Variants in PPP2R3A observed in about 807,000 individuals in gnomAD.
The protein encoded by PPP2R3A is serine/threonine-protein phosphatase 2A regulatory subunit B'' subunit alpha.
Under a neutral mutation model 106.9 loss-of-function variants are expected in PPP2R3A, and 80 were observed. That is an observed-to-expected ratio of 0.75 (90% CI 0.62 to 0.90). PPP2R3A has a LOEUF of 0.90. Ranked by LOEUF, PPP2R3A falls within the 40% of genes least tolerant of loss-of-function variation. The pLI is 0.00. For missense variants in PPP2R3A, 1,386 were observed against 1,350.4 expected, an observed-to-expected ratio of 1.03 and a Z score of -0.41; for synonymous variants, 483 against 468.3, an observed-to-expected ratio of 1.03 and a Z score of -0.41.
At chr3:136,092,464 C>T (rs962058321) in intron 10 of PPP2R3A, among the ~76,000 whole-genome samples, 2 of 152,074 alleles carry the variant, frequency 1.3e-5, no homozygotes, top group Non-Finnish European at 2.9e-5. Context: ...GAGTCAAAAG[C>T]TTTTTTTGTT....
At chr3:136,071,383 T>TC (rs1176617145) in intron 6 of PPP2R3A, among the ~76,000 whole-genome samples, 1 of 152,256 alleles carries the variant, frequency 6.6e-6, no homozygotes, top group Non-Finnish European at 1.5e-5. Context: ...TATTTTTCAT[T>TC]CAGTGCTTTT....
At chr3:136,016,314 A>AT (rs1934266070) in intron 2 of PPP2R3A, among the ~76,000 whole-genome samples, 1 of 152,078 alleles carries the variant, frequency 6.6e-6, no homozygotes, top group African/African-American at 2.4e-5. Flanking sequence ...AGAATATTCT[A>AT]TAAGTATCCA....
At chr3:136,116,146 T>G (rs1356565765) in intron 13 of PPP2R3A, among the ~76,000 whole-genome samples, 1 of 152,110 alleles carries the variant, frequency 6.6e-6, no homozygotes, top group Non-Finnish European at 1.5e-5. Flanking sequence ...CAAACTGAGC[T>G]TCACAAGCGA....
In PPP2R3A at chr3:136,145,131, A is replaced by G. The variant is rs1341079573; in HGVS notation, c.3418A>G (p.Lys1140Glu). Residue 1140 changes from lysine to glutamate, a missense_variant, in exon 14 of 14, where the codon AAA becomes GAA. By Grantham distance (56) the Lys-to-Glu change is moderately conservative (BLOSUM62 1). Coordinates refer to ENST00000264977, the MANE Select transcript of PPP2R3A (RefSeq NM_002718.5). Reference sequence around the variant, plus strand: ...AATATTAAGTGCAAGCCTTCCAGAGAAATGTGGAAAGCTTCAATCAGTGGA... The same window carrying G: ...AATATTAAGTGCAAGCCTTCCAGAGGAATGTGGAAAGCTTCAATCAGTGGA... Reference protein sequence around the residue: ...NKILSASLPEKCGKLQSVDEE With the variant: ...NKILSASLPEECGKLQSVDEE 1 of 1,613,558 alleles carries G rather than the reference A, an allele frequency of 6.2e-7. No individual in the cohort carries two copies. Among genetic ancestry groups the G allele is most frequent in the African/African-American group, 1.3e-5 (1 of 75,046 alleles).
intron 1 of PPP2R3A, among the ~76,000 whole-genome samples, chr3:136,000,024 C>A (rs1933558849): frequency 1.3e-5 from 2 of 152,170 alleles, no homozygotes; most frequent in South Asian, 2.1e-4. Context: ...GGCCTTTGTA[C>A]TTGCGGTTAT....
chr3:136,090,451 A>T (rs1417944851), intron 9 of PPP2R3A, 127 bp from the exon 10 acceptor site: 5 of 665,544 alleles, frequency 7.5e-6, no homozygotes, highest in Non-Finnish European at 1.0e-5. Context: ...GTTGCCCTTT[A>T]TGAGGCATTT....
intron 2 of PPP2R3A, among the ~76,000 whole-genome samples, chr3:136,008,236 T>C (rs1240526247): frequency 3.9e-5 from 6 of 152,246 alleles, no homozygotes; most frequent in African/African-American, 4.8e-5. Context: ...TAGCCAGTCA[T>C]GTCACTGAGG....
chr3:135,979,600 A>G (rs923668653), intron 1 of PPP2R3A, among the ~76,000 whole-genome samples: 1 of 151,804 alleles, frequency 6.6e-6, no homozygotes, highest in African/African-American at 2.4e-5. Context: ...AAGGCTAACA[A>G]GTTTCCCCTC....
intron 2 of PPP2R3A, among the ~76,000 whole-genome samples, chr3:136,023,883 G>C (rs1242870464): frequency 6.6e-6 from 1 of 152,078 alleles, no homozygotes; most frequent in Non-Finnish European, 1.5e-5. Flanking sequence ...CACCAAACAA[G>C]TGCCTAACAT....
At chr3:136,029,645 T>C (rs1934795500) in intron 3 of PPP2R3A, among the ~76,000 whole-genome samples, 1 of 152,154 alleles carries the variant, frequency 6.6e-6, no homozygotes, top group Non-Finnish European at 1.5e-5. Flanking sequence ...CATGGAGAAG[T>C]TTAAAAAGAT....
intron 8 of PPP2R3A, among the ~76,000 whole-genome samples, chr3:136,086,154 A>G (rs953616851): frequency 6.6e-6 from 1 of 151,180 alleles, no homozygotes; most frequent in Non-Finnish European, 1.5e-5. Flanking sequence ...GGTTTGTTGT[A>G]TATGATGTCA....
At chr3:136,069,316 C>A (rs1156304444) in intron 5 of PPP2R3A, among the ~76,000 whole-genome samples, 3 of 152,126 alleles carry the variant, frequency 2.0e-5, no homozygotes. Context: ...GTGGCTCATG[C>A]CTGTAATCCC....
chr3:136,055,173 C>T, intron 5 of PPP2R3A: 1 of 753,068 alleles, frequency 1.3e-6, no homozygotes, highest in East Asian at 2.7e-5. Flanking sequence ...TCAGGATCTC[C>T]AGTTATAAAT....
intron 7 of PPP2R3A, among the ~76,000 whole-genome samples, chr3:136,078,835 T>C (rs1936684193): frequency 6.6e-6 from 1 of 152,230 alleles, no homozygotes; most frequent in Non-Finnish European, 1.5e-5. Flanking sequence ...TTAAACTTGA[T>C]CCTTTCAGCA....
At position 136,003,512 on chromosome 3, in the gene PPP2R3A, G is replaced by A; in HGVS notation, c.1995+19G>A. On this transcript the variant is annotated intron_variant, in intron 2 of 13. Coordinates refer to ENST00000264977, the MANE Select transcript of PPP2R3A (RefSeq NM_002718.5). ...GATCAAGGTAAGACCCAACAATTTT[G>A]AGTCCTAGGAACTCTTTAAAAAATG... 2 of 1,539,742 alleles carry A rather than the reference G, an allele frequency of 1.3e-6. No homozygotes were observed. Among genetic ancestry groups the A allele is most frequent in the Non-Finnish European group, 1.7e-6 (2 of 1,145,132 alleles).
intron 10 of PPP2R3A, among the ~76,000 whole-genome samples, chr3:136,099,657 C>T (rs974973543): frequency 6.6e-6 from 1 of 151,190 alleles, no homozygotes; most frequent in African/African-American, 2.4e-5. Flanking sequence ...AGACAAGATA[C>T]GAAAATTGGA....
chr3:136,106,176 G>T, intron 12 of PPP2R3A, 40 bp from the exon 13 acceptor site: 1 of 1,539,582 alleles, frequency 6.5e-7, no homozygotes, highest in Non-Finnish European at 8.9e-7. Context: ...CTTTGTCTTT[G>T]ATTTTTTTTA....
At chr3:136,112,369 T>C (rs1325564333) in intron 13 of PPP2R3A, among the ~76,000 whole-genome samples, 1 of 152,176 alleles carries the variant, frequency 6.6e-6, no homozygotes, top group African/African-American at 2.4e-5. Flanking sequence ...GCAGATGATA[T>C]AATTCTATAC....
At chr3:136,137,534 ATTT>A (rs59086929) in intron 13 of PPP2R3A, among the ~76,000 whole-genome samples, 22 of 40,536 alleles carry the variant, frequency 5.4e-4, no homozygotes, top group Non-Finnish European at 7.5e-4. Flanking sequence ...TCTGTCAGAG[ATTT>A]TTTTTTTTTT....
Sources: gnomAD v4.1 joint callset for allele counts (sites outside exome capture counted in the v4.1 genomes callset) on GRCh38, gnomAD v4.1.1 for gene constraint, MANE v1.5 for transcripts, NCBI Gene and HGNC (gene_info 2026-07-23, HGNC 2026-07-21) for gene names.